MOGAT1: variants seen among roughly 807,000 people sequenced by gnomAD.
The protein encoded by MOGAT1 is monoacylglycerol O-acyltransferase 1.
MOGAT1 carries 32 observed loss-of-function variants against 31.4 expected under a neutral mutation model. The observed-to-expected ratio is 1.02, with a 90% CI of 0.77 to 1.37. The LOEUF is 1.37. Ranked by LOEUF, MOGAT1 falls within the 40% of genes most tolerant of loss-of-function variation. MOGAT1 has a pLI of 0.00. For synonymous variants in MOGAT1, 145 were observed against 144.5 expected (o/e 1.00, Z -0.03); for missense variants, 426 against 402.0 (o/e 1.06, Z -0.51).
At position 222,671,839 on chromosome 2, in the gene MOGAT1, G is replaced by A. The variant is rs1372142717; in HGVS notation, c.54G>A (p.Thr18=). Residue 18 remains threonine (T), a synonymous_variant, in exon 1 of 6, where the codon ACG becomes ACA. Coordinates refer to ENST00000446656, the MANE Select transcript of MOGAT1 (RefSeq NM_058165.3). ...LNIQLARRLQ[T]VAVLQWVLKY... ...TCCAGCTGGCGCGGCGGCTGCAGAC[G>A]GTGGCCGTGCTGCAGTGGGTCCTGA... The A allele has an allele frequency of 2.6e-6, 4 of 1,553,290 alleles. No individual in the cohort carries two copies. Among genetic ancestry groups the A allele is most frequent in the African/African-American group, 1.4e-5 (1 of 73,248 alleles).
At chr2:222,701,850 A>C (rs1692934867) in intron 5 of MOGAT1, among the ~76,000 whole-genome samples, 2 of 152,172 alleles carry the variant, frequency 1.3e-5, no homozygotes, top group African/African-American at 4.8e-5. Context: ...TATGGGTTTG[A>C]GGTCTGACTC....
chr2:222,689,223 G>A (rs928615852), intron 2 of MOGAT1, 42 bp from the exon 3 acceptor site: 21 of 1,464,416 alleles, frequency 1.4e-5, no homozygotes, highest in Non-Finnish European at 1.9e-5. Context: ...AATAATAAGG[G>A]AAGTTTCTTT....
chr2:222,698,198 A>G (rs934366398), intron 5 of MOGAT1, among the ~76,000 whole-genome samples: 18 of 152,178 alleles, frequency 1.2e-4, no homozygotes, highest in African/African-American at 4.3e-4. Flanking sequence ...CTGGGGAGTA[A>G]TTGCTAACTT....
At chr2:222,703,349 A>G (rs1166502114) in intron 5 of MOGAT1, among the ~76,000 whole-genome samples, 1 of 152,206 alleles carries the variant, frequency 6.6e-6, no homozygotes, top group African/African-American at 2.4e-5. Flanking sequence ...TTTCAGGAAG[A>G]AAAGGGGAGG....
Position 222,671,813 on chromosome 2 carries a change from A to G in MOGAT1, c.28A>G (p.Ile10Val), listed in dbSNP as rs779344608. Reference sequence around the variant, plus strand: ...GAAGGTAGAGTTTGCACCGCTCAACATCCAGCTGGCGCGGCGGCTGCAGAC... The same window carrying G: ...GAAGGTAGAGTTTGCACCGCTCAACGTCCAGCTGGCGCGGCGGCTGCAGAC... Reference protein sequence around the residue: MKVEFAPLNIQLARRLQTVA... With the variant: MKVEFAPLNVQLARRLQTVA... The change falls in exon 1 of 6, where the codon ATC (isoleucine) becomes GTC (valine). Residue 10 changes from isoleucine (I) to valine (V), a missense_variant. By Grantham distance (29) the Ile-to-Val change is conservative. Transcript: ENST00000446656. 1 of 1,553,842 alleles carries G rather than the reference A, an allele frequency of 6.4e-7. No homozygotes were observed. Among genetic ancestry groups the G allele is most frequent in the South Asian group, 1.2e-5 (1 of 84,218 alleles).
intron 5 of MOGAT1, among the ~76,000 whole-genome samples, chr2:222,708,210 G>A (rs1559235781): frequency 6.6e-6 from 1 of 151,848 alleles, no homozygotes; most frequent in East Asian, 1.9e-4. Flanking sequence ...CAGCCTCCCG[G>A]GTAGCTGGGA....
intron 1 of MOGAT1, among the ~76,000 whole-genome samples, chr2:222,674,825 C>CT (rs1574968001): frequency 6.6e-6 from 1 of 151,972 alleles, no homozygotes; most frequent in South Asian, 2.1e-4. Flanking sequence ...AAAACTACAC[C>CT]TTTTTTCTTG....
At chr2:222,702,982 T>C (rs187520933) in intron 5 of MOGAT1, among the ~76,000 whole-genome samples, 111 of 152,266 alleles carry the variant, frequency 7.3e-4, no homozygotes, top group Admixed American at 1.8e-3. Flanking sequence ...AAACATGGTG[T>C]TGTAGCGGAG....
At chr2:222,674,400 T>C (rs1010401467) in intron 1 of MOGAT1, among the ~76,000 whole-genome samples, 3 of 152,256 alleles carry the variant, frequency 2.0e-5, no homozygotes, top group Non-Finnish European at 4.4e-5. Context: ...TAATTTGCCA[T>C]ATATGTTTTA....
intron 1 of MOGAT1, among the ~76,000 whole-genome samples, chr2:222,684,853 G>A (rs1692638707): frequency 6.6e-6 from 1 of 152,166 alleles, no homozygotes; most frequent in Admixed American, 6.5e-5. Context: ...GGGATTGCAA[G>A]CGTGAGCCAC....
intron 2 of MOGAT1, 67 bp downstream of exon 2, chr2:222,688,589 C>G: frequency 8.7e-7 from 1 of 1,146,698 alleles, no homozygotes; most frequent in South Asian, 1.6e-5. Context: ...GTTTTCATCA[C>G]ATATATCTCA....
chr2:222,672,396 C>T (rs1305455633), intron 1 of MOGAT1, among the ~76,000 whole-genome samples: 1 of 152,136 alleles, frequency 6.6e-6, no homozygotes, highest in Non-Finnish European at 1.5e-5. Context: ...CAGTACCTTT[C>T]TGTAAAGAAG....
chr2:222,697,562 A>G (rs1692854120), intron 5 of MOGAT1, among the ~76,000 whole-genome samples: 1 of 150,180 alleles, frequency 6.7e-6, no homozygotes, highest in East Asian at 1.9e-4. Context: ...TGGAAGGGAG[A>G]CAATTATCAG....
chr2:222,700,478 G>C (rs1001771876), intron 5 of MOGAT1, among the ~76,000 whole-genome samples: 2 of 152,210 alleles, frequency 1.3e-5, no homozygotes, highest in African/African-American at 2.4e-5. Context: ...CCTGCAAACA[G>C]TTACAATGAT....
At chr2:222,708,106 C>T (rs1449725030) in intron 5 of MOGAT1, among the ~76,000 whole-genome samples, 1 of 152,046 alleles carries the variant, frequency 6.6e-6, no homozygotes, top group Non-Finnish European at 1.5e-5. Flanking sequence ...TGTTTTGAGA[C>T]GGAGTCTTGC....
chr2:222,672,496 G>C (rs1692431377), intron 1 of MOGAT1, among the ~76,000 whole-genome samples: 4 of 152,164 alleles, frequency 2.6e-5, no homozygotes, highest in African/African-American at 9.7e-5. Context: ...TTCCCAAGTT[G>C]AGCCCATGAA....
chr2:222,704,845 A>G (rs577459738), intron 5 of MOGAT1, among the ~76,000 whole-genome samples: 7 of 152,256 alleles, frequency 4.6e-5, no homozygotes, highest in South Asian at 2.1e-4. Context: ...TGAGACCCCA[A>G]GTAATTGAAT....
At chr2:222,702,288 A>G (rs1375006934) in intron 5 of MOGAT1, among the ~76,000 whole-genome samples, 1 of 152,220 alleles carries the variant, frequency 6.6e-6, no homozygotes, top group Non-Finnish European at 1.5e-5. Flanking sequence ...GAAAACAACT[A>G]TGAACGATAT....
At chr2:222,687,042 A>T (rs1052199845) in intron 1 of MOGAT1, among the ~76,000 whole-genome samples, 1 of 139,184 alleles carries the variant, frequency 7.2e-6, no homozygotes, top group African/African-American at 2.6e-5. Flanking sequence ...TGAACCCAGG[A>T]GGCAGAGGCT....
Sources: gnomAD v4.1 joint callset for allele counts (sites outside exome capture counted in the v4.1 genomes callset) on GRCh38, gnomAD v4.1.1 for gene constraint, MANE v1.5 for transcripts, NCBI Gene and HGNC (gene_info 2026-07-23, HGNC 2026-07-21) for gene names.